The following SLIT3 variants were observed in gnomAD, a reference collection of about 807,000 sequenced individuals.
SLIT3 encodes slit guidance ligand 3, also known as slit homolog 3 protein.
In SLIT3, 68 loss-of-function variants were observed where a neutral mutation model predicts 184.0. The observed-to-expected ratio is 0.37, with a 90% CI of 0.30 to 0.45. The LOEUF (loss-of-function observed/expected upper bound fraction) is 0.45, where lower values mean the gene tolerates loss of function less well. SLIT3 is among the 20% of genes least tolerant of loss of function. The pLI is 1.00. For synonymous variants in SLIT3, 831 were observed against 828.6 expected (o/e 1.00, Z -0.05); for missense variants, 1,707 against 2,026.0 (o/e 0.84, Z 3.02).
At chr5:168,814,064 T>C (rs995419677) in intron 8 of SLIT3, among the ~76,000 whole-genome samples, 2 of 152,112 alleles carry the variant, frequency 1.3e-5, no homozygotes, top group Admixed American at 6.5e-5. Flanking sequence ...AACAGGTGAA[T>C]AGCTTGAATG....
At chr5:168,892,000 C>A (rs960730827) in intron 4 of SLIT3, among the ~76,000 whole-genome samples, 1 of 152,196 alleles carries the variant, frequency 6.6e-6, no homozygotes, top group African/African-American at 2.4e-5. Context: ...AAGAACTTGG[C>A]CTGCAGGCTC....
chr5:168,822,770 T>A (rs2113668500), intron 7 of SLIT3, among the ~76,000 whole-genome samples: 1 of 152,018 alleles, frequency 6.6e-6, no homozygotes, highest in Non-Finnish European at 1.5e-5. Context: ...AGCAGGGAAA[T>A]GTGCTGGGTG....
intron 4 of SLIT3, among the ~76,000 whole-genome samples, chr5:168,934,179 C>T (rs756364978): frequency 3.9e-5 from 6 of 152,198 alleles, no homozygotes; most frequent in Non-Finnish European, 7.3e-5. Flanking sequence ...GGAGAACGCT[C>T]CTCGTAGATG....
chr5:168,662,273 T>C lies in SLIT3; in HGVS notation c.*4181A>G, dbSNP rs1269227287. 6.6e-6 allele frequency: 1 copy of C among 152,278 alleles called. No individual in the cohort carries two copies. Among genetic ancestry groups the C allele is most frequent in the Non-Finnish European group, 1.5e-5 (1 of 68,074 alleles). The allele number at this position is 152,278 out of a possible 1,614,324, so 9.4% of individuals were successfully genotyped here. On this transcript the variant is annotated 3_prime_UTR_variant, in exon 36 of 36. Transcript: ENST00000519560. ...CTATGACTCCTCCAGCTCTGGTATC[T>C]GGGATCTTGAGTCTGAGGGGCAGGT...
chr5:168,883,125 C>G, intron 5 of SLIT3, 140 bp downstream of exon 5: 1 of 645,518 alleles, frequency 1.5e-6, no homozygotes, highest in South Asian at 1.9e-5. Flanking sequence ...CGTGTGTTCC[C>G]TAGAAATCAC....
intron 4 of SLIT3, among the ~76,000 whole-genome samples, chr5:169,144,022 C>T (rs906936227): frequency 6.6e-6 from 1 of 152,148 alleles, no homozygotes; most frequent in Non-Finnish European, 1.5e-5. Context: ...CTTTGACTCT[C>T]CACTGTAAGA....
rs540411359 is a variant in SLIT3, at chr5:168,734,492, C to T, written c.2271-10008G>A. 2.0e-5 allele frequency among the ~76,000 whole-genome samples: 3 copies of T among 152,294 alleles called. No individual in the cohort carries two copies. The South Asian group carries it at 6.2e-4, about 32-fold the overall frequency. ...TTAACTCCTACAGATGCATGGATCTCAGCTCCAGCATTAGTTTTTCAATAT... is the reference window on the plus strand; with the variant it reads ...TTAACTCCTACAGATGCATGGATCTTAGCTCCAGCATTAGTTTTTCAATAT... On this transcript the variant is annotated intron_variant, in intron 20 of 35. Transcript: ENST00000519560.
chr5:169,121,568 C>G (rs939899282), intron 4 of SLIT3, among the ~76,000 whole-genome samples: 1 of 152,180 alleles, frequency 6.6e-6, no homozygotes, highest in Non-Finnish European at 1.5e-5. Flanking sequence ...TCCGATATTC[C>G]TGGTTGCTCT....
intron 6 of SLIT3, among the ~76,000 whole-genome samples, chr5:168,825,398 C>T (rs1757665910): frequency 1.3e-5 from 2 of 152,160 alleles, no homozygotes; most frequent in Admixed American, 1.3e-4. Context: ...GTGTAATCCC[C>T]CACATCTACT....
intron 13 of SLIT3, 83 bp downstream of exon 13, chr5:168,774,152 C>T: frequency 7.3e-7 from 1 of 1,361,602 alleles, no homozygotes; most frequent in Non-Finnish European, 1.0e-6. Context: ...CTCGTGCTGC[C>T]CTCATTTGGG....
intron 3 of SLIT3, among the ~76,000 whole-genome samples, chr5:169,194,248 A>T (rs1480976905): frequency 3.3e-5 from 5 of 150,356 alleles, no homozygotes; most frequent in Non-Finnish European, 5.9e-5. Context: ...AAAAAAAAAA[A>T]AAAAAAAAAA....
chr5:169,239,309 T>C (rs1450855446), intron 3 of SLIT3, among the ~76,000 whole-genome samples: 2 of 152,154 alleles, frequency 1.3e-5, no homozygotes, highest in African/African-American at 4.8e-5. Context: ...TTTCTTGAAA[T>C]GTCCTTACTG....
chr5:169,226,416 A>G (rs1156536367), intron 3 of SLIT3, among the ~76,000 whole-genome samples: 1 of 152,152 alleles, frequency 6.6e-6, no homozygotes, highest in African/African-American at 2.4e-5. Flanking sequence ...TACTCAGTCC[A>G]GTCACAAAAC....
At chr5:168,774,434 C>T in intron 12 of SLIT3, 56 bp from the exon 13 acceptor site, 1 of 1,545,930 alleles carries the variant, frequency 6.5e-7, no homozygotes, top group South Asian at 1.3e-5. Context: ...ACCTGCGGGG[C>T]AAGGGTTGCA....
At chr5:168,775,150 G>A (rs1480433424) in intron 12 of SLIT3, among the ~76,000 whole-genome samples, 2 of 151,428 alleles carry the variant, frequency 1.3e-5, no homozygotes, top group African/African-American at 4.9e-5. Flanking sequence ...CAATTCTCCT[G>A]GCTCAGGCTC....
intron 4 of SLIT3, among the ~76,000 whole-genome samples, chr5:168,998,282 C>A (rs2113410102): frequency 6.6e-6 from 1 of 152,358 alleles, no homozygotes; most frequent in African/African-American, 2.4e-5. Flanking sequence ...GCACCACCTC[C>A]AAAATGCCTC....
At chr5:168,737,536 C>G (rs1436342807) in intron 20 of SLIT3, among the ~76,000 whole-genome samples, 1 of 152,220 alleles carries the variant, frequency 6.6e-6, no homozygotes, top group Non-Finnish European at 1.5e-5. Context: ...CATCCTAATA[C>G]AAATCCTTTC....
chr5:168,881,997 C>T (rs1759972881), intron 5 of SLIT3, among the ~76,000 whole-genome samples: 2 of 152,282 alleles, frequency 1.3e-5, no homozygotes, highest in South Asian at 4.1e-4. Context: ...TTCCCTCCAC[C>T]CACCCCCAGA....
chr5:168,847,823 G>C (rs1023675134), intron 5 of SLIT3, among the ~76,000 whole-genome samples: 1 of 152,088 alleles, frequency 6.6e-6, no homozygotes, highest in East Asian at 1.9e-4. Flanking sequence ...TGATGTGACC[G>C]GGGGGCCACT....
Sources: gnomAD v4.1 joint callset for allele counts (sites outside exome capture counted in the v4.1 genomes callset) on GRCh38, gnomAD v4.1.1 for gene constraint, MANE v1.5 for transcripts, NCBI Gene and HGNC (gene_info 2026-07-23, HGNC 2026-07-21) for gene names.